The following SAP30BP variants were observed in gnomAD, a reference collection of about 807,000 sequenced individuals.
SAP30BP encodes the protein SAP30 binding protein.
Under a neutral mutation model 46.3 loss-of-function variants are expected in SAP30BP, and 31 were observed. That is an observed-to-expected ratio of 0.67 (90% CI 0.50 to 0.90). The LOEUF is 0.90. SAP30BP is among the 40% of genes least tolerant of loss of function. The probability of loss-of-function intolerance (pLI) is 0.00; values close to 1 mark genes in which losing one functional copy is unlikely to be tolerated. For synonymous variants in SAP30BP, 169 were observed against 144.2 expected, an observed-to-expected ratio of 1.17 and a Z score of -1.23; for missense variants, 312 against 391.0, an observed-to-expected ratio of 0.80 and a Z score of 1.70.
At chr17:75,683,046 A>G (rs1289557607) in intron 3 of SAP30BP, among the ~76,000 whole-genome samples, 1 of 46,030 alleles carries the variant, frequency 2.2e-5, no homozygotes, top group African/African-American at 3.7e-5. Flanking sequence ...TTATTTATTT[A>G]TTTATTTATT....
chr17:75,704,981 G>C, intron 9 of SAP30BP, 167 bp downstream of exon 9: 1 of 618,652 alleles, frequency 1.6e-6, no homozygotes, highest in Non-Finnish European at 2.9e-6. Flanking sequence ...AGACCTGCTG[G>C]GTTCACGGCG....
rs2060497329 is a variant in SAP30BP at position 75,706,340 on chromosome 17, A to G, written c.746A>G (p.Asp249Gly). 1 of 1,612,500 alleles carries G rather than the reference A, an allele frequency of 6.2e-7. No homozygotes were observed. Among genetic ancestry groups the G allele is most frequent in the Non-Finnish European group, 8.5e-7 (1 of 1,179,596 alleles). The change falls in exon 11 of 11, where the codon GAT becomes GGT. Residue 249 changes from aspartate (D) to glycine (G), a missense_variant and splice_region_variant. By Grantham distance (94) the Asp-to-Gly change is moderately conservative. This residue lies in a region of SAP30BP where 296 missense variants were observed against 346.6 expected (regional missense o/e 0.85). Transcript: ENST00000584667. The surrounding 1 kb of genome is among the most constrained non-coding windows in gnomAD (Gnocchi z 4.6). ...TTTTASTAVA[D>G]AQKRKSKWDS... Reference sequence around the variant, plus strand: ...ATCCTGATTTCTGCTTTATCTCCAGATGCTCAGAAGAGAAAGAGCAAGTGG... The same window carrying G: ...ATCCTGATTTCTGCTTTATCTCCAGGTGCTCAGAAGAGAAAGAGCAAGTGG...
intron 4 of SAP30BP, among the ~76,000 whole-genome samples, chr17:75,694,212 C>T (rs568861765): frequency 2.0e-5 from 3 of 152,194 alleles, no homozygotes; most frequent in South Asian, 4.2e-4. Flanking sequence ...GCCTCGGTGG[C>T]TCACTGACTC....
intron 3 of SAP30BP, among the ~76,000 whole-genome samples, chr17:75,678,464 AC>A (rs2060025657): frequency 4.0e-4 from 1 of 2,520 alleles, no homozygotes; most frequent in African/African-American, 4.2e-4. Context: ...ACAATTTAAA[AC>A]ACACACACAC....
intron 4 of SAP30BP, among the ~76,000 whole-genome samples, chr17:75,697,441 G>C (rs935375976): frequency 5.3e-5 from 8 of 152,172 alleles, no homozygotes; most frequent in Admixed American, 4.6e-4. Context: ...AGCCATATCT[G>C]GGTTTCACCT....
chr17:75,679,443 G>C (rs917254609), intron 3 of SAP30BP: 1 of 152,196 alleles, frequency 6.6e-6, no homozygotes, highest in Non-Finnish European at 1.5e-5. Flanking sequence ...CTCTAACTTT[G>C]TTATCTGATG....
intron 3 of SAP30BP, 183 bp from the exon 4 acceptor site, chr17:75,693,257 C>A (rs922886822): frequency 3.4e-6 from 2 of 580,520 alleles, no homozygotes; most frequent in African/African-American, 3.8e-5. Context: ...TGCTGCGATG[C>A]GGGAAGAAGA....
intron 2 of SAP30BP, among the ~76,000 whole-genome samples, chr17:75,670,942 G>A (rs1430592858): frequency 1.3e-5 from 2 of 152,200 alleles, no homozygotes; most frequent in Admixed American, 6.5e-5. Context: ...TCTGTGCATT[G>A]GGAGTGTTCT....
chr17:75,697,558 A>T (rs2060341667), intron 4 of SAP30BP, among the ~76,000 whole-genome samples: 1 of 152,164 alleles, frequency 6.6e-6, no homozygotes, highest in Non-Finnish European at 1.5e-5. Context: ...AGGACCTCTG[A>T]TCAATGTATC....
chr17:75,690,405 G>T (rs1599140391), intron 3 of SAP30BP, among the ~76,000 whole-genome samples: 1 of 152,146 alleles, frequency 6.6e-6, no homozygotes, highest in African/African-American at 2.4e-5. Flanking sequence ...CAGCTCTGGG[G>T]TATTTCAGGG....
intron 3 of SAP30BP, among the ~76,000 whole-genome samples, chr17:75,682,246 G>A (rs1268267591): frequency 1.3e-5 from 2 of 151,400 alleles, no homozygotes; most frequent in East Asian, 1.9e-4. Context: ...GTGCAGTGGC[G>A]TGATCTCAGC....
At chr17:75,671,374 C>T (rs1461782828) in intron 2 of SAP30BP, among the ~76,000 whole-genome samples, 2 of 152,096 alleles carry the variant, frequency 1.3e-5, no homozygotes, top group South Asian at 2.1e-4. Context: ...AGAGTAGGTC[C>T]GAGTCTGATG....
At chr17:75,672,694 C>T (rs911573717) in intron 3 of SAP30BP, among the ~76,000 whole-genome samples, 3 of 152,158 alleles carry the variant, frequency 2.0e-5, no homozygotes, top group African/African-American at 7.2e-5. Context: ...CAGTAGCTCA[C>T]GCCTGTAATC....
intron 3 of SAP30BP, among the ~76,000 whole-genome samples, chr17:75,673,856 G>A (rs1203178778): frequency 1.3e-5 from 2 of 152,140 alleles, no homozygotes; most frequent in South Asian, 2.1e-4. Context: ...TGACAGCCTC[G>A]TCATTCCTGC....
chr17:75,673,884 T>G (rs1033793889), intron 3 of SAP30BP, among the ~76,000 whole-genome samples: 1 of 152,228 alleles, frequency 6.6e-6, no homozygotes, highest in South Asian at 2.1e-4. Context: ...TTGACTGATG[T>G]GCTTCGCTGT....
chr17:75,675,681 G>A (rs1046467000), intron 3 of SAP30BP, among the ~76,000 whole-genome samples: 4 of 152,206 alleles, frequency 2.6e-5, no homozygotes, highest in Admixed American at 1.3e-4. Flanking sequence ...TTGGGAGGCC[G>A]AGGTGGGCAG....
intron 4 of SAP30BP, among the ~76,000 whole-genome samples, chr17:75,694,288 C>T (rs1599149234): frequency 6.6e-6 from 1 of 152,200 alleles, no homozygotes. Context: ...GTCCTTCCCA[C>T]CCAGGCTTCC....
chr17:75,677,965 GTTGT>G (rs1377246788), intron 3 of SAP30BP, among the ~76,000 whole-genome samples: 9 of 152,022 alleles, frequency 5.9e-5, no homozygotes, highest in Non-Finnish European at 1.2e-4. Flanking sequence ...TGATTCAGTA[GTTGT>G]TTGAGAACTG....
At chr17:75,699,312 A>G (rs536264492) in intron 4 of SAP30BP, among the ~76,000 whole-genome samples, 120 of 152,112 alleles carry the variant, frequency 7.9e-4, no homozygotes, top group Non-Finnish European at 4.0e-4. Context: ...AAGCAATTCT[A>G]GTTCCTCAAT....
Sources: allele counts gnomAD v4.1 joint callset (sites outside exome capture counted in the v4.1 genomes callset), GRCh38; gene constraint gnomAD v4.1.1; regional missense constraint gnomAD v4.1.1; non-coding constraint Gnocchi (gnomAD v3.1); transcripts MANE v1.5; gene names NCBI Gene and HGNC (gene_info 2026-07-23, HGNC 2026-07-21).